MAGI2: variants seen among roughly 807,000 people sequenced by gnomAD.
MAGI2 encodes the protein membrane-associated guanylate kinase, WW and PDZ domain-containing protein 2.
A neutral mutation model predicts 133.3 loss-of-function variants in MAGI2; 35 were observed. That is an observed-to-expected ratio of 0.26 (90% CI 0.20 to 0.35). The LOEUF (loss-of-function observed/expected upper bound fraction) is 0.35. Among genes scored for constraint, MAGI2 ranks in the 10% least tolerant of loss-of-function variants. The pLI is 1.00. For missense variants in MAGI2, 1,636 were observed against 1,863.4 expected (o/e 0.88, Z 2.25); for synonymous variants, 729 against 710.6 (o/e 1.03, Z -0.41).
chr7:78,146,451 T>C (rs1227793984), intron 16 of MAGI2, among the ~76,000 whole-genome samples: 1 of 152,122 alleles, frequency 6.6e-6, no homozygotes, highest in African/African-American at 2.4e-5. Flanking sequence ...AGTTAGAGAT[T>C]TGGAATCTGT....
intron 1 of MAGI2, among the ~76,000 whole-genome samples, chr7:79,235,053 G>T (rs921739342): frequency 6.6e-6 from 1 of 151,716 alleles, no homozygotes; most frequent in Non-Finnish European, 1.5e-5. Flanking sequence ...ATACCCTGCC[G>T]TGTGAGGTGT....
intron 9 of MAGI2, among the ~76,000 whole-genome samples, chr7:78,317,682 T>C (rs1382448229): frequency 6.6e-6 from 1 of 152,174 alleles, no homozygotes; most frequent in Admixed American, 6.5e-5. Context: ...GACCCCCGTG[T>C]ATCCTGACTG....
chr7:78,349,590 G>A (rs573659265), intron 7 of MAGI2, among the ~76,000 whole-genome samples: 1 of 152,274 alleles, frequency 6.6e-6, no homozygotes, highest in South Asian at 2.1e-4. Context: ...ATCAAAATGA[G>A]TTTCTAGAGT....
chr7:78,123,567 A>G (rs988123576), intron 20 of MAGI2, among the ~76,000 whole-genome samples: 20 of 152,332 alleles, frequency 1.3e-4, no homozygotes, highest in African/African-American at 4.3e-4. Flanking sequence ...CAATCTGATA[A>G]TCGAGAGGGC....
At chr7:78,957,730 C>T (rs777509328) in intron 2 of MAGI2, among the ~76,000 whole-genome samples, 2 of 152,096 alleles carry the variant, frequency 1.3e-5, no homozygotes, top group Non-Finnish European at 2.9e-5. Context: ...GATCACACAG[C>T]CAGTCAATGG....
intron 1 of MAGI2, among the ~76,000 whole-genome samples, chr7:79,283,883 C>G (rs770294236): frequency 6.6e-6 from 1 of 152,010 alleles, no homozygotes; most frequent in Non-Finnish European, 1.5e-5. Flanking sequence ...AGAAGGTGGT[C>G]CCATAAGGTT....
intron 21 of MAGI2, among the ~76,000 whole-genome samples, chr7:78,071,319 T>A (rs113598052): frequency 0.11 from 17,480 of 152,114 alleles, 1,189 homozygotes; most frequent in African/African-American, 0.18. Context: ...GCAGATCACC[T>A]GAGGTCAGGA....
Position 78,019,338 on chromosome 7 carries a change from C to A in MAGI2, c.4345G>T (p.Gly1449Cys). 1 of 1,538,508 alleles carries A rather than the reference C, an allele frequency of 6.5e-7. No individual in the cohort carries two copies. The highest frequency in any genetic ancestry group is 1.2e-5 in the South Asian group (1 of 83,594). The part of the protein sequence containing the change: ...SDKLPSVLKP[G>C]ASAASR ...GCTCATCTGCTGGCGGCCGAGGCGC[C>A]GGGTTTGAGGACGCTGGGCAGCTTG... Residue 1449 changes from glycine (G) to cysteine (C), a missense_variant, in exon 22 of 22, where the codon GGC becomes TGC. Around this residue, in one of 5 missense-constraint regions of MAGI2, gnomAD observed 354 missense variants for 298.7 expected, o/e 1.19. Coordinates refer to ENST00000354212, the MANE Select transcript of MAGI2 (RefSeq NM_012301.4).
chr7:78,433,502 T>C (rs937227957), intron 6 of MAGI2, among the ~76,000 whole-genome samples: 10 of 152,096 alleles, frequency 6.6e-5, no homozygotes, highest in African/African-American at 2.4e-4. Flanking sequence ...TCCTATTTCT[T>C]TGTAATTTTA....
intron 3 of MAGI2, among the ~76,000 whole-genome samples, chr7:78,619,269 A>C (rs1220087052): frequency 6.6e-6 from 1 of 151,818 alleles, no homozygotes; most frequent in Admixed American, 6.6e-5. Flanking sequence ...GTGTAAGAAA[A>C]ATGAATTAAA....
chr7:79,268,140 G>T (rs1431982073), intron 1 of MAGI2, among the ~76,000 whole-genome samples: 1 of 152,160 alleles, frequency 6.6e-6, no homozygotes, highest in Admixed American at 6.6e-5. Flanking sequence ...GGAGGTAGAA[G>T]CAGGAGAAGG....
chr7:78,893,658 CT>C (rs1288706099), intron 2 of MAGI2, among the ~76,000 whole-genome samples: 2 of 152,010 alleles, frequency 1.3e-5, no homozygotes, highest in Middle Eastern at 3.4e-3. Context: ...CATGTTCTCA[CT>C]CACAGGTAGG....
chr7:78,031,934 T>C lies in MAGI2; in HGVS notation c.3707-11958A>G, dbSNP rs113462828. ...GGGCTTGGGCATAAGATTAGTTCAC[T>C]TCTAGACTAAGGCCTCATAAGTGAT... On this transcript the variant is annotated intron_variant, in intron 21 of 21. Transcript: ENST00000354212. 7.7e-3 allele frequency among the ~76,000 whole-genome samples: 1,177 copies of C among 152,074 alleles called. 6 individuals carry two copies. Among genetic ancestry groups the C allele is most frequent in the Middle Eastern group, 0.055 (16 of 292 alleles).
At chr7:78,662,735 C>A (rs866256355) in intron 2 of MAGI2, among the ~76,000 whole-genome samples, 7 of 152,244 alleles carry the variant, frequency 4.6e-5, no homozygotes, top group Middle Eastern at 6.8e-3. Context: ...CTGTATATGA[C>A]TGGTGAGGGT....
chr7:79,294,665 CATTTA>C (rs1334977844), intron 1 of MAGI2, among the ~76,000 whole-genome samples: 9 of 145,950 alleles, frequency 6.2e-5, no homozygotes, highest in African/African-American at 1.8e-4. Flanking sequence ...ATCAAGTCAG[CATTTA>C]ATTTAATTGT....
chr7:78,809,091 C>T (rs37887), intron 2 of MAGI2, among the ~76,000 whole-genome samples: 131,498 of 152,212 alleles, frequency 0.86, 57,020 homozygotes, highest in East Asian at 1. Context: ...AATTTGTCTT[C>T]GTTTGCAAGT....
At chr7:78,302,346 A>T (rs2151075770) in intron 9 of MAGI2, among the ~76,000 whole-genome samples, 1 of 152,290 alleles carries the variant, frequency 6.6e-6, no homozygotes, top group Middle Eastern at 3.4e-3. Flanking sequence ...GCTTAATTTC[A>T]TCCCCAAACA....
At chr7:78,562,450 A>C (rs1800504416) in intron 3 of MAGI2, among the ~76,000 whole-genome samples, 1 of 152,232 alleles carries the variant, frequency 6.6e-6, no homozygotes, top group Non-Finnish European at 1.5e-5. Flanking sequence ...TAAAGAATCC[A>C]AACAGTAGGA....
intron 6 of MAGI2, among the ~76,000 whole-genome samples, chr7:78,371,040 C>G (rs1585034269): frequency 1.3e-5 from 2 of 151,850 alleles, no homozygotes; most frequent in East Asian, 3.9e-4. Flanking sequence ...ACTCAGGACT[C>G]AAAAACCCTG....
Sources: gnomAD v4.1 joint callset for allele counts (sites outside exome capture counted in the v4.1 genomes callset) on GRCh38, gnomAD v4.1.1 for gene constraint, gnomAD v4.1.1 regional missense constraint, MANE v1.5 for transcripts, NCBI Gene and HGNC (gene_info 2026-07-23, HGNC 2026-07-21) for gene names.